ACSM3: variants seen among roughly 807,000 people sequenced by gnomAD.
ACSM3 encodes the protein acyl-CoA synthetase medium chain family member 3.
Under a neutral mutation model 74.1 loss-of-function variants are expected in ACSM3, and 61 were observed. The ratio of observed to expected loss-of-function variants is 0.82; its 90% CI spans 0.67 to 1.02. ACSM3 has a LOEUF of 1.02. Among genes scored for constraint, ACSM3 ranks in the 50% least tolerant of loss-of-function variants. The pLI is 0.00. For synonymous variants in ACSM3, 213 were observed against 241.5 expected, an observed-to-expected ratio of 0.88 and a Z score of 1.09; for missense variants, 660 against 697.0, an observed-to-expected ratio of 0.95 and a Z score of 0.60.
intron 7 of ACSM3, among the ~76,000 whole-genome samples, chr16:20,784,025 C>T (rs954211323): frequency 6.6e-6 from 1 of 152,122 alleles, no homozygotes; most frequent in Non-Finnish European, 1.5e-5. Flanking sequence ...AGGCAGGTCT[C>T]GAACTCCTGA....
chr16:20,762,474 C>T (rs1366797340), upstream of ACSM3, among the ~76,000 whole-genome samples: 1 of 152,018 alleles, frequency 6.6e-6, no homozygotes, highest in East Asian at 1.9e-4. Flanking sequence ...AACATGGGGG[C>T]TAAAAATTTA....
chr16:20,741,806 G>T (rs770032383), intron 1 of ACSM3: 3 of 1,543,494 alleles, frequency 1.9e-6, no homozygotes, highest in Non-Finnish European at 2.6e-6. Context: ...GTCTATCGCC[G>T]GCGCGAACTG....
intron 1 of ACSM3, chr16:20,711,622 A>G: frequency 9.8e-7 from 1 of 1,024,314 alleles, no homozygotes; most frequent in Admixed American, 2.0e-5. Flanking sequence ...CTTTAAGACC[A>G]AACTCCTGGT....
At chr16:20,767,130 T>C (rs2080135057) in intron 1 of ACSM3, among the ~76,000 whole-genome samples, 1 of 152,094 alleles carries the variant, frequency 6.6e-6, no homozygotes, top group Non-Finnish European at 1.5e-5. Context: ...CAAGTAGTGT[T>C]GATTACTTAA....
chr16:20,780,321 T>TA, intron 4 of ACSM3: 1 of 326,226 alleles, frequency 3.1e-6, no homozygotes. Context: ...TACTCATTTT[T>TA]AAAAAATCAC....
chr16:20,725,086 C>G (rs2079800014), intron 1 of ACSM3, among the ~76,000 whole-genome samples: 1 of 152,076 alleles, frequency 6.6e-6, no homozygotes, highest in African/African-American at 2.4e-5. Flanking sequence ...CAATCCTAAG[C>G]CAAAAGAACA....
At position 20,764,111 on chromosome 16, in the gene ACSM3, G is replaced by A. The variant is rs1301609553; in HGVS notation, c.-66G>A. 1 of 152,174 alleles carries A rather than the reference G, an allele frequency of 6.6e-6. No homozygotes were observed. The highest frequency in any genetic ancestry group is 1.5e-5 in the Non-Finnish European group (1 of 68,044). The allele number at this position is 152,174 out of a possible 1,614,324, so 9.4% of individuals were successfully genotyped here. A position where few individuals can be genotyped will look rare whatever the true frequency, so the allele number is the denominator to read the frequency against. On this transcript the variant is annotated 5_prime_UTR_variant, in exon 1 of 14. Coordinates refer to ENST00000289416, the MANE Select transcript of ACSM3 (RefSeq NM_005622.4). The stretch of plus-strand genomic sequence containing the variant: ...GTCTGCCATAATCTCCATCTGTGTT[G>A]GAATCTGTTAACTAGTGAGTACCTC...
intron 9 of ACSM3, among the ~76,000 whole-genome samples, chr16:20,787,193 A>G (rs534434242): frequency 2.0e-4 from 31 of 152,350 alleles, no homozygotes; most frequent in Non-Finnish European, 2.9e-5. Flanking sequence ...TCCCAAAATA[A>G]TAAGTCATCA....
intron 1 of ACSM3, among the ~76,000 whole-genome samples, chr16:20,687,091 G>A (rs2079567472): frequency 6.6e-6 from 1 of 151,882 alleles, no homozygotes; most frequent in South Asian, 2.1e-4. Flanking sequence ...TGAAGGAAAG[G>A]AGTGAAACTT....
intron 1 of ACSM3, chr16:20,718,327 TG>T: frequency 1.3e-6 from 1 of 783,442 alleles, no homozygotes; most frequent in Non-Finnish European, 1.8e-6. Flanking sequence ...ACCACCATCT[TG>T]GGGTCCATCC....
intron 1 of ACSM3, among the ~76,000 whole-genome samples, chr16:20,747,687 AAT>A (rs1472110353): frequency 6.6e-6 from 1 of 152,248 alleles, no homozygotes; most frequent in Non-Finnish European, 1.5e-5. Context: ...CCAAAGAATG[AAT>A]CACCAATGGT....
chr16:20,791,031 G>A, intron 10 of ACSM3: 1 of 1,297,058 alleles, frequency 7.7e-7, no homozygotes. Flanking sequence ...TTTCTTTTCG[G>A]GAAGAGTGAG....
At chr16:20,793,135 GT>G (rs1304003683) in intron 12 of ACSM3, among the ~76,000 whole-genome samples, 1 of 152,196 alleles carries the variant, frequency 6.6e-6, no homozygotes, top group Non-Finnish European at 1.5e-5. Flanking sequence ...ACAGGGCAGA[GT>G]TAGAAGGTAT....
intron 1 of ACSM3, chr16:20,742,164 A>C: frequency 2.5e-6 from 2 of 784,352 alleles, no homozygotes; most frequent in Non-Finnish European, 3.5e-6. Context: ...ACGTGGACAC[A>C]ATGGTCAAGT....
chr16:20,789,591 T>G, intron 9 of ACSM3: 1 of 1,463,104 alleles, frequency 6.8e-7, no homozygotes, highest in Non-Finnish European at 9.6e-7. Flanking sequence ...AATGAAGATA[T>G]TTATTTATCA....
chr16:20,773,824 T>C (rs1423731443), intron 2 of ACSM3, among the ~76,000 whole-genome samples: 3 of 152,240 alleles, frequency 2.0e-5, no homozygotes, highest in Non-Finnish European at 1.5e-5. Flanking sequence ...AGAAGAAGAA[T>C]GTGTATTCTG....
chr16:20,720,904 A>G (rs2079782958), intron 1 of ACSM3: 1 of 152,342 alleles, frequency 6.6e-6, no homozygotes, highest in Middle Eastern at 3.4e-3. Flanking sequence ...TTTTTCTTTA[A>G]CTATGACAAT....
upstream of ACSM3, among the ~76,000 whole-genome samples, chr16:20,762,549 A>G (rs1312487506): frequency 1.3e-5 from 2 of 152,238 alleles, no homozygotes; most frequent in African/African-American, 4.8e-5. Context: ...GAATTCAGCA[A>G]TACAGAAAAA....
chr16:20,797,551 A>T lies in ACSM3; in HGVS notation c.*579A>T. 1 of 1,239,042 alleles carries T rather than the reference A, an allele frequency of 8.1e-7. No homozygotes were observed. The highest frequency in any genetic ancestry group is 3.3e-5 in the South Asian group (1 of 29,970). 76.8% of individuals were successfully genotyped at this position (1,239,042 alleles called of 1,614,324 possible). ...ATCATATACTATTGTTGCTTATTAT[A>T]TGTAATCTAATAAATACTGTTTACA... On this transcript the variant is annotated 3_prime_UTR_variant, in exon 14 of 14. Coordinates refer to ENST00000289416, the MANE Select transcript of ACSM3 (RefSeq NM_005622.4).
Sources: gnomAD v4.1 joint callset for allele counts (sites outside exome capture counted in the v4.1 genomes callset) on GRCh38, gnomAD v4.1.1 for gene constraint, MANE v1.5 for transcripts, NCBI Gene and HGNC (gene_info 2026-07-23, HGNC 2026-07-21) for gene names.